Variants in GRIP1 observed in about 807,000 individuals in gnomAD.
GRIP1 encodes the protein glutamate receptor-interacting protein 1.
In GRIP1, 45 loss-of-function variants were observed where a neutral mutation model predicts 129.9. The ratio of observed to expected loss-of-function variants is 0.35; its 90% confidence interval spans 0.27 to 0.44. GRIP1 has a LOEUF of 0.44. Ranked by LOEUF, GRIP1 falls within the 20% of genes least tolerant of loss-of-function variation. The probability of loss-of-function intolerance (pLI) is 1.00; values close to 1 mark genes in which losing one functional copy is unlikely to be tolerated. For missense variants in GRIP1, 1,196 were observed against 1,396.8 expected, an observed-to-expected ratio of 0.86 and a Z score of 2.29; for synonymous variants, 530 against 520.8, an observed-to-expected ratio of 1.02 and a Z score of -0.24.
intron 1 of GRIP1, among the ~76,000 whole-genome samples, chr12:66,754,715 A>T (rs1443293315): frequency 6.6e-6 from 1 of 152,176 alleles, no homozygotes; most frequent in African/African-American, 2.4e-5. Context: ...TCTCAAGCCA[A>T]AATCAGCCTG....
intron 1 of GRIP1, among the ~76,000 whole-genome samples, chr12:67,068,013 G>A (rs867070908): frequency 1.3e-5 from 2 of 152,160 alleles, no homozygotes; most frequent in Admixed American, 1.3e-4. Context: ...GAAGCAAAGG[G>A]ATAAACCCTG....
At chr12:66,644,806 C>A (rs1409951210) in intron 1 of GRIP1, among the ~76,000 whole-genome samples, 4 of 152,144 alleles carry the variant, frequency 2.6e-5, no homozygotes, top group Non-Finnish European at 5.9e-5. Context: ...TTTAATTTTG[C>A]ATATCAAGCA....
In GRIP1 at chr12:66,406,330, C is replaced by G; in HGVS notation, c.1937G>C (p.Cys646Ser). Reference protein sequence around the residue: ...MEDAVQILQQCEDLVKLKIRK... With the variant: ...MEDAVQILQQSEDLVKLKIRK... Reference sequence around the variant, plus strand: ...GATTTTGAGCTTCACCAGGTCTTCACATTGCTGGAGGATCTGAACTGCATC... The same window carrying G: ...GATTTTGAGCTTCACCAGGTCTTCAGATTGCTGGAGGATCTGAACTGCATC... Residue 646 changes from cysteine (C) to serine (S), a missense_variant, in exon 16 of 25, where the codon TGT (cysteine) becomes TCT (serine). This residue lies in a region of GRIP1 where 508 missense variants were observed against 587.0 expected (regional missense o/e 0.87). Transcript: ENST00000359742. 1 of 1,614,086 alleles carries G rather than the reference C, an allele frequency of 6.2e-7. No individual in the cohort carries two copies. The highest frequency in any genetic ancestry group is 8.5e-7 in the Non-Finnish European group (1 of 1,179,920).
chr12:67,018,478 C>A (rs1247093015), intron 1 of GRIP1, among the ~76,000 whole-genome samples: 1 of 152,184 alleles, frequency 6.6e-6, no homozygotes, highest in Non-Finnish European at 1.5e-5. Context: ...AACAGATAAC[C>A]CAAGGCCTGC....
Position 66,949,057 on chromosome 12 carries a change from C to T in GRIP1, c.58+119993G>A, listed in dbSNP as rs141672610. Among the ~76,000 whole-genome samples the T allele has an allele frequency of 2.4e-3, 359 of 152,180 alleles. 1 individual carries two copies. The highest frequency in any genetic ancestry group is 7.5e-3 in the African/African-American group (312 of 41,548). On this transcript the variant is annotated intron_variant, in intron 1 of 1. Coordinates refer to the GRIP1 transcript ENST00000643019. ...GCAAAAGAACCTTACCTCCAATTAG[C>T]CATTATTTCCCATTTTTCCTACCAA...
intron 1 of GRIP1, among the ~76,000 whole-genome samples, chr12:66,790,841 G>A (rs1354150175): frequency 6.6e-6 from 1 of 152,048 alleles, no homozygotes; most frequent in East Asian, 1.9e-4. Context: ...AGATAGCCCA[G>A]GAAGAATTCA....
intron 10 of GRIP1, 42 bp from the exon 11 acceptor site, chr12:66,455,606 A>G: frequency 6.3e-7 from 1 of 1,587,434 alleles, no homozygotes; most frequent in Non-Finnish European, 8.6e-7. Context: ...CTCTCAGGTG[A>G]GGTGTGAGCC....
intron 14 of GRIP1, among the ~76,000 whole-genome samples, chr12:66,422,254 T>G (rs1436150636): frequency 5.9e-5 from 9 of 152,314 alleles, no homozygotes; most frequent in Non-Finnish European, 1.3e-4. Flanking sequence ...TCTAAATTAG[T>G]CCATAGTAAA....
At chr12:67,017,451 T>C (rs769029877) in intron 1 of GRIP1, among the ~76,000 whole-genome samples, 7 of 151,938 alleles carry the variant, frequency 4.6e-5, no homozygotes, top group Non-Finnish European at 8.8e-5. Context: ...TATTAATAGA[T>C]AGAGGAGAAC....
chr12:66,485,957 A>G (rs936317597), intron 7 of GRIP1, among the ~76,000 whole-genome samples: 1 of 151,656 alleles, frequency 6.6e-6, no homozygotes, highest in African/African-American at 2.4e-5. Context: ...TTTTCTGGAC[A>G]CTCTGTTCTG....
At chr12:66,516,980 G>C (rs1193403489) in intron 6 of GRIP1, among the ~76,000 whole-genome samples, 1 of 152,180 alleles carries the variant, frequency 6.6e-6, no homozygotes, top group South Asian at 2.1e-4. Context: ...GAGGGTGGTT[G>C]TAAGGATAAA....
chr12:66,455,656 C>A (rs148318378), intron 10 of GRIP1, 92 bp from the exon 11 acceptor site: 22,513 of 1,167,094 alleles, frequency 0.019, 331 homozygotes, highest in Non-Finnish European at 0.026. Flanking sequence ...GAAAGACACA[C>A]ATGATGCATA....
chr12:66,798,633 A>G (rs1448203580), intron 1 of GRIP1, among the ~76,000 whole-genome samples: 2 of 152,250 alleles, frequency 1.3e-5, no homozygotes, highest in African/African-American at 4.8e-5. Flanking sequence ...AGTCCCTCCT[A>G]ACTCTAATAC....
chr12:66,451,778 T>C (rs2058815023), intron 11 of GRIP1, among the ~76,000 whole-genome samples: 1 of 152,178 alleles, frequency 6.6e-6, no homozygotes, highest in Non-Finnish European at 1.5e-5. Context: ...GTGTATCATG[T>C]GATCTGGTTC....
At chr12:66,869,520 CA>C (rs2040260219) in intron 1 of GRIP1, among the ~76,000 whole-genome samples, 1 of 152,084 alleles carries the variant, frequency 6.6e-6, no homozygotes. Flanking sequence ...CCTTAATTAA[CA>C]TGTTTAACAT....
At chr12:66,481,790 C>T (rs2041264412) in intron 7 of GRIP1, among the ~76,000 whole-genome samples, 1 of 152,134 alleles carries the variant, frequency 6.6e-6, no homozygotes, top group African/African-American at 2.4e-5. Context: ...GAGTTCATGT[C>T]CTTTGCAGGG....
At chr12:66,958,455 T>C (rs774949917) in intron 1 of GRIP1, among the ~76,000 whole-genome samples, 3 of 152,188 alleles carry the variant, frequency 2.0e-5, no homozygotes, top group Non-Finnish European at 4.4e-5. Context: ...AAGACTTTCT[T>C]ACTTTGTGGG....
intron 1 of GRIP1, among the ~76,000 whole-genome samples, chr12:66,854,643 A>G (rs2039972231): frequency 6.6e-6 from 1 of 152,084 alleles, no homozygotes. Flanking sequence ...AAGATTACAC[A>G]GTTGGTAAGT....
Position 67,039,850 on chromosome 12 carries a change from A to G in GRIP1, c.58+29200T>C, listed in dbSNP as rs2043149774. Among the ~76,000 whole-genome samples the G allele has an allele frequency of 2.6e-5, 4 of 152,100 alleles. No homozygotes were observed. In the South Asian group the frequency reaches 8.3e-4, roughly 32 times the overall value. ...ACTCATTATAAATAACAATTATCCT[A>G]TTGTGTCAAATGGTCTTTGGTAGGA... On this transcript the variant is annotated intron_variant, in intron 1 of 1. Coordinates refer to the GRIP1 transcript ENST00000643019.
Sources: gnomAD v4.1 joint callset for allele counts (sites outside exome capture counted in the v4.1 genomes callset) on GRCh38, gnomAD v4.1.1 for gene constraint, gnomAD v4.1.1 regional missense constraint, MANE v1.5 for transcripts, NCBI Gene and HGNC (gene_info 2026-07-23, HGNC 2026-07-21) for gene names.